Variants in MCCC2 observed in about 807,000 individuals in gnomAD.
MCCC2 encodes the protein methylcrotonyl-CoA carboxylase subunit 2.
In MCCC2, 52 loss-of-function variants were observed where a neutral mutation model predicts 77.2. That is an observed-to-expected ratio of 0.67 (90% CI 0.54 to 0.85). MCCC2 has a LOEUF of 0.85. Among genes scored for constraint, MCCC2 ranks in the 40% least tolerant of loss-of-function variants. The pLI is 0.00. For missense variants in MCCC2, 682 were observed against 703.2 expected, an observed-to-expected ratio of 0.97 and a Z score of 0.34; for synonymous variants, 253 against 248.4, an observed-to-expected ratio of 1.02 and a Z score of -0.18.
At chr5:71,606,219 C>T (rs1745670633) in intron 6 of MCCC2, among the ~76,000 whole-genome samples, 1 of 149,352 alleles carries the variant, frequency 6.7e-6, no homozygotes, top group South Asian at 2.2e-4. Flanking sequence ...ATGGAATGTT[C>T]TTCCATTTGT....
chr5:71,632,191 A>G lies in MCCC2; in HGVS notation c.803+6A>G, dbSNP rs1275577754. 6.2e-7 allele frequency: 1 copy of G among 1,613,806 alleles called. No homozygotes were observed. Among genetic ancestry groups the G allele is most frequent in the Admixed American group, 1.7e-5 (1 of 60,020 alleles). On this transcript the variant is annotated splice_donor_region_variant and intron_variant, in intron 8 of 16. Coordinates refer to ENST00000340941, the MANE Select transcript of MCCC2 (RefSeq NM_022132.5). ...GGTGCTGATCTTCATTGCAGGTGAA[A>G]CAGAAATGGTTGTTTCTTTCCGGGA...
intron 6 of MCCC2, among the ~76,000 whole-genome samples, chr5:71,607,157 G>A (rs1335588440): frequency 2.6e-5 from 4 of 152,104 alleles, no homozygotes; most frequent in Non-Finnish European, 4.4e-5. Context: ...AATGGTACCA[G>A]TTCCTTCTTG....
intron 4 of MCCC2, among the ~76,000 whole-genome samples, chr5:71,602,147 G>C (rs1442677498): frequency 6.6e-6 from 1 of 151,980 alleles, no homozygotes. Flanking sequence ...TTTCCCTTGA[G>C]ACTTGGATTT....
Position 71,587,364 on chromosome 5 carries a change from G to A in MCCC2, c.-62G>A. The A allele has an allele frequency of 1.3e-6, 2 of 1,519,382 alleles. No individual in the cohort carries two copies. Among genetic ancestry groups the A allele is most frequent in the Non-Finnish European group, 1.8e-6 (2 of 1,139,580 alleles). The allele number at this position is 1,519,382 out of a possible 1,614,324, so 94.1% of individuals were successfully genotyped here. On this transcript the variant is annotated 5_prime_UTR_variant, in exon 1 of 17. Coordinates refer to ENST00000340941, the MANE Select transcript of MCCC2 (RefSeq NM_022132.5). ...CAGCTTCCGCCCCAGCCAGGGAAGCGGCAGGGGAAAGCACCGGCTCCAGGC... is the reference window on the plus strand; with the variant it reads ...CAGCTTCCGCCCCAGCCAGGGAAGCAGCAGGGGAAAGCACCGGCTCCAGGC...
intron 8 of MCCC2, among the ~76,000 whole-genome samples, chr5:71,633,093 A>T (rs868141041): frequency 0.23 from 1,474 of 6,394 alleles, 68 homozygotes; most frequent in African/African-American, 0.33. Flanking sequence ...TTTCAGTTTT[A>T]TATATATATA....
chr5:71,622,953 C>T lies in MCCC2; in HGVS notation c.625-3687C>T, dbSNP rs190587779. On this transcript the variant is annotated intron_variant, in intron 6 of 16. Transcript: ENST00000340941. ...CCATGTCTTGCTCCTGGTTTTCCTT[C>T]GCTCTCTGGGATGGCACAGAAAGTT... Among the ~76,000 whole-genome samples, 20 of 152,266 alleles carry T rather than the reference C, an allele frequency of 1.3e-4. No homozygotes were observed. The South Asian group carries it at 3.7e-3, about 28-fold the overall frequency.
At chr5:71,642,487 A>G (rs760982769) in intron 11 of MCCC2, among the ~76,000 whole-genome samples, 3 of 152,130 alleles carry the variant, frequency 2.0e-5, no homozygotes, top group African/African-American at 7.2e-5. Context: ...CCGTCCCTCT[A>G]TGGGTGTCCC....
intron 6 of MCCC2, among the ~76,000 whole-genome samples, chr5:71,610,217 G>A (rs1745875557): frequency 6.6e-6 from 1 of 152,222 alleles, no homozygotes; most frequent in Admixed American, 6.5e-5. Context: ...AGCAATCAGC[G>A]AGACTCCGTG....
chr5:71,614,986 A>G (rs936826936), intron 6 of MCCC2, among the ~76,000 whole-genome samples: 1 of 151,986 alleles, frequency 6.6e-6, no homozygotes, highest in African/African-American at 2.4e-5. Context: ...TCCCCCTTTG[A>G]GATGGAGTCT....
chr5:71,647,438 G>A (rs1295233267), intron 13 of MCCC2, among the ~76,000 whole-genome samples: 2 of 152,250 alleles, frequency 1.3e-5, no homozygotes, highest in Non-Finnish European at 2.9e-5. Flanking sequence ...AAAGGATTCT[G>A]AAGCCTAACT....
chr5:71,654,919 C>A (rs562591504), intron 16 of MCCC2, among the ~76,000 whole-genome samples: 80 of 151,466 alleles, frequency 5.3e-4, no homozygotes, highest in African/African-American at 1.9e-3. Flanking sequence ...ACTGCAACTT[C>A]CGCCTCCTGG....
chr5:71,633,129 A>ATTTTTTTTTTTTTTTT (rs1215619050), intron 8 of MCCC2, among the ~76,000 whole-genome samples: 7 of 81,982 alleles, frequency 8.5e-5, no homozygotes, highest in Non-Finnish European at 1.4e-4. Flanking sequence ...ATATATATAT[A>ATTTTTTTTTTTTTTTT]TATTTTTATT....
intron 6 of MCCC2, among the ~76,000 whole-genome samples, chr5:71,625,429 A>G (rs984429821): frequency 2.6e-5 from 4 of 152,240 alleles, no homozygotes; most frequent in East Asian, 1.9e-4. Flanking sequence ...AAGTGTTAAC[A>G]TGACATTTTG....
intron 10 of MCCC2, among the ~76,000 whole-genome samples, chr5:71,640,766 T>C (rs116390653): frequency 6.6e-6 from 1 of 152,204 alleles, no homozygotes; most frequent in Non-Finnish European, 1.5e-5. Flanking sequence ...CCTTTCCTGC[T>C]TTTCTTGCAT....
At chr5:71,611,959 TTTG>T (rs986532751) in intron 6 of MCCC2, among the ~76,000 whole-genome samples, 1 of 151,964 alleles carries the variant, frequency 6.6e-6, no homozygotes, top group African/African-American at 2.4e-5. Context: ...CGGCTAATTT[TTTG>T]TATTTTTAGT....
At position 71,642,318 on chromosome 5, in the gene MCCC2, G is replaced by T. The variant is rs553735312; in HGVS notation, c.1072+1243G>T. ...GGTGGGAGGCATAAAGGGTGAGGAG[G>T]TGAGAGGGAAGGACAGATTTTTCTG... On this transcript the variant is annotated intron_variant, in intron 11 of 16. Transcript: ENST00000340941. Among the ~76,000 whole-genome samples, 315 of 152,222 alleles carry T rather than the reference G, an allele frequency of 2.1e-3. 1 individual carries two copies. The highest frequency in any genetic ancestry group is 6.9e-3 in the African/African-American group (285 of 41,524).
In MCCC2 at chr5:71,640,990, T is replaced by C; in HGVS notation, c.1000-13T>C. Reference sequence around the variant, plus strand: ...ATATAATTTCTCAAGGCCATTGTTGTTTTTCCTCTTAGGTCATTGCTAGAA... The same window carrying C: ...ATATAATTTCTCAAGGCCATTGTTGCTTTTCCTCTTAGGTCATTGCTAGAA... On this transcript the variant is annotated splice_polypyrimidine_tract_variant and intron_variant, in intron 10 of 16. Coordinates refer to ENST00000340941, the MANE Select transcript of MCCC2 (RefSeq NM_022132.5). 1 of 1,613,084 alleles carries C rather than the reference T, an allele frequency of 6.2e-7. No individual in the cohort carries two copies. Among genetic ancestry groups the C allele is most frequent in the Non-Finnish European group, 8.5e-7 (1 of 1,179,080 alleles).
At chr5:71,593,131 A>C (rs1406110624) in intron 2 of MCCC2, 139 bp downstream of exon 2, 1 of 730,942 alleles carries the variant, frequency 1.4e-6, no homozygotes, top group Non-Finnish European at 2.3e-6. Flanking sequence ...TCTCTTGCCC[A>C]GGCTGGAGTG....
At chr5:71,597,752 G>C (rs1045939029) in intron 3 of MCCC2, among the ~76,000 whole-genome samples, 1 of 152,182 alleles carries the variant, frequency 6.6e-6, no homozygotes, top group Non-Finnish European at 1.5e-5. Context: ...CCATTTGTAT[G>C]CATATATATA....
Sources: allele counts gnomAD v4.1 joint callset (sites outside exome capture counted in the v4.1 genomes callset), GRCh38; gene constraint gnomAD v4.1.1; transcripts MANE v1.5; gene names NCBI Gene and HGNC (gene_info 2026-07-23, HGNC 2026-07-21).